The following SNTG2 variants were observed in gnomAD, a reference collection of about 807,000 sequenced individuals.
SNTG2 encodes syntrophin gamma 2.
A neutral mutation model predicts 70.9 loss-of-function variants in SNTG2; 74 were observed. The observed-to-expected ratio is 1.04, with a 90% confidence interval of 0.86 to 1.27. SNTG2 has a LOEUF of 1.27. Among genes scored for constraint, SNTG2 ranks in the 50% most tolerant of loss-of-function variants. The probability of loss-of-function intolerance (pLI) is 0.00; values close to 1 mark genes in which losing one functional copy is unlikely to be tolerated. For missense variants in SNTG2, 717 were observed against 690.7 expected (o/e 1.04, Z -0.43); for synonymous variants, 278 against 273.8 (o/e 1.02, Z -0.15).
chr2:1,216,623 C>G (rs1412101569), intron 9 of SNTG2, among the ~76,000 whole-genome samples: 3 of 152,140 alleles, frequency 2.0e-5, no homozygotes, highest in African/African-American at 7.2e-5. Flanking sequence ...AATCTGTTGA[C>G]ATATAATTGT....
intron 1 of SNTG2, among the ~76,000 whole-genome samples, chr2:1,078,932 G>A (rs1664099871): frequency 6.6e-6 from 1 of 152,174 alleles, no homozygotes; most frequent in Non-Finnish European, 1.5e-5. Context: ...TGGGGTTGGG[G>A]GAATCGTTGG....
At chr2:1,159,114 TC>T (rs1223138201) in intron 6 of SNTG2, among the ~76,000 whole-genome samples, 269 of 12,542 alleles carry the variant, frequency 0.021, 3 homozygotes, top group African/African-American at 0.044. Context: ...ACCTGTGTGT[TC>T]GTGTGTGTGT....
chr2:1,239,930 C>T (rs146905070), intron 11 of SNTG2, among the ~76,000 whole-genome samples, 154 bp downstream of exon 11: 37 of 152,328 alleles, frequency 2.4e-4, no homozygotes, highest in African/African-American at 7.0e-4. Flanking sequence ...TTTCAGACTG[C>T]ATTTGGTGGT....
At chr2:1,246,257 T>TC in intron 11 of SNTG2, among the ~76,000 whole-genome samples, 1 of 152,346 alleles carries the variant, frequency 6.6e-6, no homozygotes, top group East Asian at 1.9e-4. Context: ...TAATTTTCTT[T>TC]CCCATTGCTA....
chr2:1,279,476 C>A (rs558930554), intron 14 of SNTG2, among the ~76,000 whole-genome samples: 9 of 152,178 alleles, frequency 5.9e-5, no homozygotes, highest in African/African-American at 1.9e-4. Context: ...CTAAGGGTCT[C>A]GGAATGTAAC....
intron 15 of SNTG2, among the ~76,000 whole-genome samples, chr2:1,309,000 G>A (rs1245075213): frequency 6.6e-6 from 1 of 152,198 alleles, no homozygotes; most frequent in Admixed American, 6.5e-5. Context: ...CCATTAGGAA[G>A]GGAGTGAGAC....
intron 1 of SNTG2, among the ~76,000 whole-genome samples, chr2:999,563 A>G (rs1357144323): frequency 1.3e-5 from 2 of 152,100 alleles, no homozygotes; most frequent in Non-Finnish European, 2.9e-5. Flanking sequence ...TTATATAATG[A>G]TAAAGGTATC....
chr2:1,056,245 C>T (rs1187464771), intron 1 of SNTG2, among the ~76,000 whole-genome samples: 5 of 92,422 alleles, frequency 5.4e-5, no homozygotes, highest in Non-Finnish European at 8.7e-5. Flanking sequence ...GAGGGAGAGG[C>T]CGCACTGTGC....
chr2:1,106,790 G>A (rs1303430909), intron 4 of SNTG2, among the ~76,000 whole-genome samples: 16 of 25,102 alleles, frequency 6.4e-4, no homozygotes, highest in Non-Finnish European at 7.1e-4. Flanking sequence ...GAGCTCCTTG[G>A]TAAGAGTGGA....
chr2:1,366,729 G>A (rs946641169), intron 16 of SNTG2, among the ~76,000 whole-genome samples: 5 of 152,044 alleles, frequency 3.3e-5, no homozygotes, highest in Admixed American at 2.0e-4. Context: ...CCTCCCAAGC[G>A]TGGCCTTGGC....
At chr2:1,230,675 C>T (rs558531323) in intron 9 of SNTG2, among the ~76,000 whole-genome samples, 66 of 152,226 alleles carry the variant, frequency 4.3e-4, no homozygotes, top group Non-Finnish European at 7.8e-4. Flanking sequence ...TCCCACCTTA[C>T]GGATAGCACA....
chr2:1,014,165 T>G (rs36138756), intron 1 of SNTG2, among the ~76,000 whole-genome samples: 5 of 3,304 alleles, frequency 1.5e-3, no homozygotes, highest in East Asian at 2.7e-3. Flanking sequence ...GGGTGGTCTG[T>G]AGAGGGATTT....
chr2:1,350,267 G>A (rs925408512), intron 16 of SNTG2, among the ~76,000 whole-genome samples: 4 of 152,260 alleles, frequency 2.6e-5, no homozygotes, highest in South Asian at 4.1e-4. Flanking sequence ...CCTGGAAAGC[G>A]GAACTTGGAT....
Position 1,046,009 on chromosome 2 carries a change from T to A in SNTG2, c.73-37509T>A, listed in dbSNP as rs1221868150. Among the ~76,000 whole-genome samples, 3 of 152,174 alleles carry A rather than the reference T, an allele frequency of 2.0e-5. No homozygotes were observed. In the East Asian group the frequency reaches 5.8e-4, roughly 29 times the overall value. ...TATTCCGTGGTTATCTGAGACTCTC[T>A]GTGAGTCTCTAAGAACTTGTTTTAT... On this transcript the variant is annotated intron_variant, in intron 1 of 16. Coordinates refer to ENST00000308624, the MANE Select transcript of SNTG2 (RefSeq NM_018968.4).
intron 9 of SNTG2, among the ~76,000 whole-genome samples, chr2:1,211,731 AC>A (rs1003811839): frequency 7.9e-5 from 12 of 152,058 alleles, no homozygotes; most frequent in African/African-American, 2.9e-4. Flanking sequence ...GAAAAAACCC[AC>A]CCCCATGATT....
intron 9 of SNTG2, among the ~76,000 whole-genome samples, chr2:1,226,834 T>A (rs1675820473): frequency 6.6e-6 from 1 of 152,274 alleles, no homozygotes; most frequent in South Asian, 2.1e-4. Context: ...CTATCTCTGT[T>A]TCAAATTGAT....
chr2:1,259,750 G>T (rs1214744640), intron 13 of SNTG2, among the ~76,000 whole-genome samples: 8 of 152,158 alleles, frequency 5.3e-5, no homozygotes, highest in Non-Finnish European at 1.2e-4. Context: ...TTTATTCCAA[G>T]AACTTTAGAT....
chr2:1,265,924 C>G (rs1393394412), intron 13 of SNTG2, among the ~76,000 whole-genome samples: 1 of 152,126 alleles, frequency 6.6e-6, no homozygotes, highest in Non-Finnish European at 1.5e-5. Flanking sequence ...TGGGGAGAGA[C>G]TGGTGCAGCA....
intron 8 of SNTG2, among the ~76,000 whole-genome samples, chr2:1,191,882 G>A (rs1456384332): frequency 6.6e-6 from 1 of 151,692 alleles, no homozygotes; most frequent in Non-Finnish European, 1.5e-5. Context: ...TATTATATAT[G>A]TACATAAGTA....
Sources: gnomAD v4.1 joint callset for allele counts (sites outside exome capture counted in the v4.1 genomes callset) on GRCh38, gnomAD v4.1.1 for gene constraint, MANE v1.5 for transcripts, NCBI Gene and HGNC (gene_info 2026-07-23, HGNC 2026-07-21) for gene names.